The following ACER3 variants were observed in gnomAD, a reference collection of about 807,000 sequenced individuals.
ACER3 encodes the protein alkCDase 3.
A neutral mutation model predicts 48.9 loss-of-function variants in ACER3; 16 were observed. That is an observed-to-expected ratio of 0.33 (90% CI 0.22 to 0.50). The LOEUF (loss-of-function observed/expected upper bound fraction) is 0.50, where lower values mean the gene tolerates loss of function less well. ACER3 is among the 20% of genes least tolerant of loss of function. ACER3 has a pLI of 0.98. For synonymous variants in ACER3, 109 were observed against 107.8 expected (o/e 1.01, Z -0.07); for missense variants, 227 against 326.0 (o/e 0.70, Z 2.34).
chr11:76,916,312 T>A (rs1366890664), intron 1 of ACER3, among the ~76,000 whole-genome samples: 5 of 152,220 alleles, frequency 3.3e-5, no homozygotes, highest in Admixed American at 6.5e-5. Context: ...CTAGTTTAAT[T>A]TGCATGAGGG....
At chr11:76,872,314 G>A (rs1277519382) in intron 1 of ACER3, among the ~76,000 whole-genome samples, 1 of 152,070 alleles carries the variant, frequency 6.6e-6, no homozygotes, top group Non-Finnish European at 1.5e-5. Context: ...GACCTCAGGT[G>A]ATCTGCCTGC....
chr11:76,961,088 G>A (rs1419747964), intron 3 of ACER3, among the ~76,000 whole-genome samples: 2 of 152,124 alleles, frequency 1.3e-5, no homozygotes, highest in African/African-American at 4.8e-5. Flanking sequence ...TGAGTGAGAA[G>A]GGCATTGCTT....
At chr11:77,007,952 AT>A (rs1467201952) in intron 7 of ACER3, among the ~76,000 whole-genome samples, 4 of 152,266 alleles carry the variant, frequency 2.6e-5, no homozygotes, top group Admixed American at 6.5e-5. Context: ...CCACAAAAAA[AT>A]AAGTGATGGG....
intron 1 of ACER3, among the ~76,000 whole-genome samples, chr11:76,867,180 C>T (rs764080354): frequency 6.6e-6 from 1 of 152,060 alleles, no homozygotes; most frequent in Non-Finnish European, 1.5e-5. Context: ...TTCAAAGTAG[C>T]TGAGAGGGCC....
chr11:76,967,854 T>C (rs1948180959), intron 3 of ACER3, among the ~76,000 whole-genome samples: 1 of 152,126 alleles, frequency 6.6e-6, no homozygotes, highest in Admixed American at 6.5e-5. Flanking sequence ...GGGCAAAAAC[T>C]GGAAGCATTC....
At chr11:77,005,138 C>G (rs1404086985) in intron 7 of ACER3, among the ~76,000 whole-genome samples, 1 of 151,388 alleles carries the variant, frequency 6.6e-6, no homozygotes, top group Admixed American at 6.6e-5. Context: ...CCCGGGTTCA[C>G]GCCATTCTCC....
At chr11:76,921,216 A>T (rs1163318277) in intron 1 of ACER3, among the ~76,000 whole-genome samples, 1 of 152,126 alleles carries the variant, frequency 6.6e-6, no homozygotes, top group Non-Finnish European at 1.5e-5. Flanking sequence ...CTCCAAGGTG[A>T]TAAAGATGTT....
intron 5 of ACER3, among the ~76,000 whole-genome samples, chr11:76,988,422 G>C (rs150842963): frequency 6.6e-6 from 1 of 152,176 alleles, no homozygotes; most frequent in African/African-American, 2.4e-5. Flanking sequence ...GGCTGGGGAG[G>C]CCTCTGGAAA....
At chr11:76,951,540 T>A (rs1947669416) in intron 2 of ACER3, among the ~76,000 whole-genome samples, 1 of 152,206 alleles carries the variant, frequency 6.6e-6, no homozygotes, top group African/African-American at 2.4e-5. Flanking sequence ...TTGTTAAATG[T>A]GGAGATGTGA....
chr11:76,970,098 T>C (rs910651533), intron 3 of ACER3, among the ~76,000 whole-genome samples: 2 of 152,184 alleles, frequency 1.3e-5, no homozygotes, highest in Non-Finnish European at 2.9e-5. Context: ...GTTTTGTCAG[T>C]CTTATGATCT....
intron 6 of ACER3, among the ~76,000 whole-genome samples, chr11:76,997,339 G>C (rs1481606272): frequency 6.6e-6 from 1 of 152,134 alleles, no homozygotes; most frequent in Non-Finnish European, 1.5e-5. Flanking sequence ...CTACCATAGA[G>C]TTATAATACT....
intron 2 of ACER3, among the ~76,000 whole-genome samples, chr11:76,947,068 A>G (rs1031398861): frequency 6.6e-6 from 1 of 152,076 alleles, no homozygotes; most frequent in Admixed American, 6.5e-5. Flanking sequence ...TGTCACTTCT[A>G]TGGCGAATCC....
At chr11:76,999,066 G>T (rs1023874081) in intron 7 of ACER3, among the ~76,000 whole-genome samples, 3 of 152,152 alleles carry the variant, frequency 2.0e-5, no homozygotes, top group South Asian at 4.1e-4. Context: ...GAGAGCTGTC[G>T]ACGATGGCCT....
chr11:76,861,135 G>A, intron 1 of ACER3, 56 bp downstream of exon 1: 1 of 1,479,532 alleles, frequency 6.8e-7, no homozygotes, highest in Non-Finnish European at 9.2e-7. Context: ...CTGAGGAGAC[G>A]CCGTGTGAGG....
rs539747343 is a variant in ACER3, at chr11:76,962,288, C to T, written c.267+3257C>T. Among the ~76,000 whole-genome samples the T allele has an allele frequency of 2.3e-4, 29 of 125,266 alleles. 4 individuals carry two copies. Among genetic ancestry groups the T allele is most frequent in the Middle Eastern group, 0.012 (2 of 162 alleles). 82.2% of individuals were successfully genotyped at this position (125,266 alleles called of 152,430 possible). On this transcript the variant is annotated intron_variant, in intron 3 of 10. Coordinates refer to ENST00000532485, the MANE Select transcript of ACER3 (RefSeq NM_018367.7). ...GTGACACTGGAATGTAGTGTGATCT[C>T]GGCTCACTGCAACCTCTGCCTCCCA...
At chr11:76,980,368 A>C (rs1347231531) in intron 4 of ACER3, among the ~76,000 whole-genome samples, 2 of 152,204 alleles carry the variant, frequency 1.3e-5, no homozygotes, top group Non-Finnish European at 2.9e-5. Flanking sequence ...TAATGGGTAC[A>C]AAGAACTCTT....
intron 1 of ACER3, among the ~76,000 whole-genome samples, chr11:76,907,961 C>A (rs952987019): frequency 1.3e-5 from 2 of 152,180 alleles, no homozygotes; most frequent in African/African-American, 4.8e-5. Context: ...TTTTGCCGGG[C>A]ACAGTGGCTG....
chr11:76,908,178 G>A (rs1008300147), intron 1 of ACER3, among the ~76,000 whole-genome samples: 29 of 152,338 alleles, frequency 1.9e-4, no homozygotes, highest in African/African-American at 6.5e-4. Flanking sequence ...GGAGGTTGCA[G>A]TGAGCTGAGA....
chr11:76,953,861 GTGTA>G (rs1947758393), intron 2 of ACER3, among the ~76,000 whole-genome samples: 1 of 151,756 alleles, frequency 6.6e-6, no homozygotes, highest in South Asian at 2.1e-4. Flanking sequence ...CAATTCCTAT[GTGTA>G]TGTGTCATTT....
Sources: gnomAD v4.1 joint callset for allele counts (sites outside exome capture counted in the v4.1 genomes callset) on GRCh38, gnomAD v4.1.1 for gene constraint, MANE v1.5 for transcripts, NCBI Gene and HGNC (gene_info 2026-07-23, HGNC 2026-07-21) for gene names.